LHFPL6: variants seen among roughly 807,000 people sequenced by gnomAD.
LHFPL6 encodes the protein LHFPL tetraspan subfamily member 6.
A neutral mutation model predicts 20.6 loss-of-function variants in LHFPL6; 9 were observed. The ratio of observed to expected loss-of-function variants is 0.44; its 90% CI spans 0.26 to 0.76. LHFPL6 has a LOEUF of 0.76. Among genes scored for constraint, LHFPL6 ranks in the 30% least tolerant of loss-of-function variants. The pLI, the probability that LHFPL6 is intolerant of heterozygous loss-of-function variation, is 0.20. For synonymous variants in LHFPL6, 105 were observed against 98.7 expected (o/e 1.06, Z -0.38); for missense variants, 218 against 253.5 (o/e 0.86, Z 0.95).
chr13:39,536,376 G>C (rs563247823), intron 2 of LHFPL6, among the ~76,000 whole-genome samples: 2 of 152,258 alleles, frequency 1.3e-5, no homozygotes, highest in African/African-American at 4.8e-5. Flanking sequence ...AACAGAGTGG[G>C]CATCAGTTGC....
chr13:39,442,907 C>T (rs1051403677), intron 2 of LHFPL6, among the ~76,000 whole-genome samples: 1 of 152,140 alleles, frequency 6.6e-6, no homozygotes, highest in Admixed American at 6.5e-5. Context: ...CCTGAGCTAA[C>T]TGAAGCTTCT....
chr13:39,482,627 T>G (rs1169070614), intron 2 of LHFPL6, among the ~76,000 whole-genome samples: 1 of 152,048 alleles, frequency 6.6e-6, no homozygotes, highest in Non-Finnish European at 1.5e-5. Context: ...TATAGTAAAG[T>G]GGACAGAGAA....
At chr13:39,544,040 G>A (rs575207851) in intron 2 of LHFPL6, among the ~76,000 whole-genome samples, 14 of 152,316 alleles carry the variant, frequency 9.2e-5, no homozygotes, top group African/African-American at 3.4e-4. Context: ...CAATGGGCAA[G>A]AGAGGTATAA....
chr13:39,350,102 A>G (rs1869521746), intron 3 of LHFPL6, among the ~76,000 whole-genome samples: 1 of 152,232 alleles, frequency 6.6e-6, no homozygotes, highest in Admixed American at 6.5e-5. Context: ...GCAGCCGGGA[A>G]CAATACAGAC....
At chr13:39,571,935 C>T (rs1425563579) in intron 2 of LHFPL6, among the ~76,000 whole-genome samples, 2 of 152,216 alleles carry the variant, frequency 1.3e-5, no homozygotes, top group East Asian at 3.9e-4. Context: ...TGTGCTGCCT[C>T]CTGCAAGGGG....
At chr13:39,551,691 AT>A (rs1566139286) in intron 2 of LHFPL6, among the ~76,000 whole-genome samples, 1 of 152,206 alleles carries the variant, frequency 6.6e-6, no homozygotes, top group South Asian at 2.1e-4. Flanking sequence ...AGAAGAATTG[AT>A]TTTAACAATA....
At position 39,423,459 on chromosome 13, in the gene LHFPL6, T is replaced by C. The variant is rs1174264700; in HGVS notation, c.386-44933A>G. 2.6e-5 allele frequency among the ~76,000 whole-genome samples: 4 copies of C among 151,986 alleles called. 1 individual carries two copies. The highest frequency in any genetic ancestry group is 9.7e-5 in the African/African-American group (4 of 41,376). ...ATTTTTTGAGATGAAGTGTCACTCT[T>C]GTTGCCCAGGCTGGAACACAGTGGT... On this transcript the variant is annotated intron_variant, in intron 2 of 3. Coordinates refer to ENST00000379589, the MANE Select transcript of LHFPL6 (RefSeq NM_005780.3).
chr13:39,602,677 G>C (rs1156341123), intron 1 of LHFPL6, among the ~76,000 whole-genome samples: 1 of 152,224 alleles, frequency 6.6e-6, no homozygotes, highest in East Asian at 1.9e-4. Context: ...GGCTCTGGAC[G>C]AAGGGAGGGG....
chr13:39,408,063 A>T (rs944999162), intron 2 of LHFPL6, among the ~76,000 whole-genome samples: 1 of 152,232 alleles, frequency 6.6e-6, no homozygotes, highest in African/African-American at 2.4e-5. Context: ...CTAAAGCAGG[A>T]TGTTTATACT....
chr13:39,562,977 T>C (rs1871590367), intron 2 of LHFPL6, among the ~76,000 whole-genome samples: 1 of 151,494 alleles, frequency 6.6e-6, no homozygotes, highest in Non-Finnish European at 1.5e-5. Flanking sequence ...AGAAAAAAAA[T>C]ATTTTATGCA....
chr13:39,562,529 CACATATAT>C (rs1247666145), intron 2 of LHFPL6, among the ~76,000 whole-genome samples: 4,963 of 116,556 alleles, frequency 0.043, 154 homozygotes, highest in Non-Finnish European at 0.064. Flanking sequence ...TACACATATA[CACATATAT>C]ACACATATAC....
At chr13:39,537,836 A>G (rs8000471) in intron 2 of LHFPL6, among the ~76,000 whole-genome samples, 141,758 of 152,028 alleles carry the variant, frequency 0.93, 66,203 homozygotes, top group Non-Finnish European at 0.95. Context: ...CAGAACCACT[A>G]AGAAAGCAAT....
chr13:39,558,408 T>C lies in LHFPL6; in HGVS notation c.385+42424A>G, dbSNP rs147295298. Among the ~76,000 whole-genome samples the C allele has an allele frequency of 1.5e-4, 23 of 152,302 alleles. No homozygotes were observed. The East Asian group carries it at 3.9e-3, about 26-fold the overall frequency. On this transcript the variant is annotated intron_variant, in intron 2 of 3. Coordinates refer to ENST00000379589, the MANE Select transcript of LHFPL6 (RefSeq NM_005780.3). Reference sequence around the variant, plus strand: ...GGTGTTAATTACCCTTTCTCCACCATCTCCAGCAAAGTTCAATAGGACATT... The same window carrying C: ...GGTGTTAATTACCCTTTCTCCACCACCTCCAGCAAAGTTCAATAGGACATT...
intron 2 of LHFPL6, among the ~76,000 whole-genome samples, chr13:39,548,025 G>A (rs1369824817): frequency 5.9e-5 from 9 of 152,046 alleles, no homozygotes; most frequent in African/African-American, 2.2e-4. Context: ...AAAACTCAGT[G>A]GGACCACATT....
Position 39,484,661 on chromosome 13 carries a change from C to G in LHFPL6, c.386-106135G>C, listed in dbSNP as rs534291257. Among the ~76,000 whole-genome samples the G allele has an allele frequency of 5.3e-5, 8 of 152,278 alleles. No homozygotes were observed. In the South Asian group the frequency reaches 1.7e-3, roughly 32 times the overall value. ...AAGGACCAAGCATCTACGCAGGAGG[C>G]TGTAGTCAGTTGTGAGAATTTTAAG... is the stretch of plus-strand genomic sequence containing the variant. On this transcript the variant is annotated intron_variant, in intron 2 of 3. Transcript: ENST00000379589.
In LHFPL6 at chr13:39,589,439, C is replaced by G. The variant is rs1255902091; in HGVS notation, c.385+11393G>C. Among the ~76,000 whole-genome samples, 3 of 152,144 alleles carry G rather than the reference C, an allele frequency of 2.0e-5. No homozygotes were observed. The East Asian group carries it at 5.8e-4, about 29-fold the overall frequency. ...AAAGAAAATTTTTTAAAAACTAGAT[C>G]CCCAATAATAACTTAACCAATATTA... is the stretch of plus-strand genomic sequence containing the variant. On this transcript the variant is annotated intron_variant, in intron 2 of 3. Transcript: ENST00000379589.
intron 3 of LHFPL6, among the ~76,000 whole-genome samples, chr13:39,358,856 A>G (rs1869798357): frequency 6.6e-6 from 1 of 152,180 alleles, no homozygotes; most frequent in African/African-American, 2.4e-5. Context: ...ATCTCACACC[A>G]GTCAGAATGA....
At chr13:39,514,400 A>T (rs1282511849) in intron 2 of LHFPL6, among the ~76,000 whole-genome samples, 2 of 152,186 alleles carry the variant, frequency 1.3e-5, no homozygotes, top group Non-Finnish European at 2.9e-5. Context: ...ATGATGAGGG[A>T]TTAGTGTACT....
intron 3 of LHFPL6, among the ~76,000 whole-genome samples, chr13:39,369,149 A>G (rs1031314612): frequency 2.0e-5 from 3 of 151,674 alleles, no homozygotes; most frequent in Non-Finnish European, 4.4e-5. Context: ...AGAGACTAGC[A>G]TATTCTCCCC....
Sources: gnomAD v4.1 joint callset for allele counts (sites outside exome capture counted in the v4.1 genomes callset) on GRCh38, gnomAD v4.1.1 for gene constraint, MANE v1.5 for transcripts, NCBI Gene and HGNC (gene_info 2026-07-23, HGNC 2026-07-21) for gene names.